Variants in SLC25A25 observed in about 807,000 individuals in gnomAD.
SLC25A25 encodes solute carrier family 25 member 25.
A neutral mutation model predicts 57.7 loss-of-function variants in SLC25A25; 32 were observed. The observed-to-expected ratio is 0.55, with a 90% CI of 0.42 to 0.74. The LOEUF is 0.74. Among genes scored for constraint, SLC25A25 ranks in the 30% least tolerant of loss-of-function variants. The pLI, the probability that SLC25A25 is intolerant of heterozygous loss-of-function variation, is 0.00. For synonymous variants in SLC25A25, 306 were observed against 291.2 expected (o/e 1.05, Z -0.52); for missense variants, 556 against 701.3 (o/e 0.79, Z 2.34).
At chr9:128,098,486 T>G in intron 1 of SLC25A25, 1 of 1,539,282 alleles carries the variant, frequency 6.5e-7, no homozygotes, top group Non-Finnish European at 8.8e-7. Flanking sequence ...GCTTGTCTTA[T>G]GCAAGTTTCC....
intron 1 of SLC25A25, among the ~76,000 whole-genome samples, chr9:128,077,386 G>A (rs1361944114): frequency 7.9e-5 from 12 of 152,062 alleles, no homozygotes; most frequent in Non-Finnish European, 1.5e-4. Flanking sequence ...GCGCGGTGGC[G>A]GGCGCCTGTG....
chr9:128,098,148 T>C (rs1423426758), intron 1 of SLC25A25, among the ~76,000 whole-genome samples: 5 of 152,238 alleles, frequency 3.3e-5, no homozygotes, highest in Non-Finnish European at 5.9e-5. Context: ...TGTGACACGT[T>C]TGGGGACCTT....
In SLC25A25 at chr9:128,103,996, C is replaced by A. The variant is rs547276062; in HGVS notation, c.783+157C>A. Among the ~76,000 whole-genome samples, 104 of 152,210 alleles carry A rather than the reference C, an allele frequency of 6.8e-4. 2 individuals are homozygous for A. The South Asian group carries it at 0.021, about 31-fold the overall frequency. On this transcript the variant is annotated intron_variant, in intron 6 of 10. Transcript: ENST00000373069. The surrounding 1 kb of genome is among the most constrained non-coding windows in gnomAD (Gnocchi z 6.7). ...AGAATTATTGCTCAGACAGGGGGTA[C>A]CAAAATGTCACTGTAGGTGACATTT...
intron 1 of SLC25A25, chr9:128,092,131 T>C (rs1376702052): frequency 6.3e-7 from 1 of 1,577,968 alleles, no homozygotes; most frequent in Non-Finnish European, 8.6e-7. Flanking sequence ...TAGGGCCTGG[T>C]CTGGGATCAT....
chr9:128,074,505 T>A (rs1011274134), intron 1 of SLC25A25, among the ~76,000 whole-genome samples: 19 of 151,454 alleles, frequency 1.3e-4, no homozygotes, highest in Non-Finnish European at 4.4e-5. Flanking sequence ...GGTCAGGAGT[T>A]CAAGACCTGC....
intron 1 of SLC25A25, among the ~76,000 whole-genome samples, chr9:128,090,247 T>G (rs752158604): frequency 6.6e-6 from 1 of 152,018 alleles, no homozygotes; most frequent in African/African-American, 2.4e-5. Context: ...AATTTCGCTC[T>G]TGTCACCCAG....
At position 128,101,162 on chromosome 9, in the gene SLC25A25, C is replaced by G; in HGVS notation, c.328C>G (p.Leu110Val). Residue 110 changes from leucine to valine, a missense_variant, in exon 2 of 11, where the codon CTC becomes GTC. By Grantham distance (32) the Leu-to-Val change is conservative. Around this residue, in one of 3 missense-constraint regions of SLC25A25, gnomAD observed 248 missense variants for 273.5 expected, o/e 0.91. Transcript: ENST00000373069. This position sits in a 1 kb window ranked among gnomAD's most constrained non-coding sequence, Gnocchi z 4.9. ...QLDFEEFVHY[L>V]QDHEKKLRLV... ...AGACTTTGAAGAATTTGTCCATTAT[C>G]TCCAAGATCATGAGAAGAAGCTGAG... 1 of 1,614,236 alleles carries G rather than the reference C, an allele frequency of 6.2e-7. No individual in the cohort carries two copies. Among genetic ancestry groups the G allele is most frequent in the Non-Finnish European group, 8.5e-7 (1 of 1,180,054 alleles).
intron 1 of SLC25A25, chr9:128,091,303 T>C: frequency 2.7e-6 from 1 of 374,446 alleles, no homozygotes; most frequent in Non-Finnish European, 3.7e-6. Context: ...CGCACCTCCC[T>C]GCAGAATTGC....
chr9:128,104,167 G>T (rs186781160), intron 6 of SLC25A25, among the ~76,000 whole-genome samples: 10 of 152,322 alleles, frequency 6.6e-5, no homozygotes, highest in Admixed American at 5.9e-4. Flanking sequence ...GGCCAGCAGA[G>T]CCTCACCTGA....
chr9:128,091,384 G>A, intron 1 of SLC25A25: 2 of 962,560 alleles, frequency 2.1e-6, no homozygotes, highest in Non-Finnish European at 2.5e-6. Flanking sequence ...GAACTTGGTA[G>A]TGTCGGCAGA....
At position 128,097,587 on chromosome 9, in the gene SLC25A25, C is replaced by T. The variant is rs140437670; in HGVS notation, c.262-3509C>T. 3.5e-3 allele frequency among the ~76,000 whole-genome samples: 529 copies of T among 152,288 alleles called. 2 individuals are homozygous for T. Among genetic ancestry groups the T allele is most frequent in the African/African-American group, 0.012 (507 of 41,564 alleles). On this transcript the variant is annotated intron_variant, in intron 1 of 10. Coordinates refer to ENST00000373069, the MANE Select transcript of SLC25A25 (RefSeq NM_001330988.2). ...GGGATTACAGGCGTGTGCCACCACGCCTGGCTATGACTTTACATTTAAAAA... is the reference window on the plus strand; with the variant it reads ...GGGATTACAGGCGTGTGCCACCACGTCTGGCTATGACTTTACATTTAAAAA...
At chr9:128,098,938 G>T (rs1251349142) in intron 1 of SLC25A25, 4 of 985,342 alleles carry the variant, frequency 4.1e-6, no homozygotes, top group South Asian at 9.4e-5. Context: ...GAATTCCAGC[G>T]AAGGCTGTTG....
intron 1 of SLC25A25, among the ~76,000 whole-genome samples, chr9:128,086,073 G>A (rs575228286): frequency 1.3e-5 from 2 of 152,122 alleles, no homozygotes; most frequent in East Asian, 3.9e-4. Context: ...GGTGGAATAT[G>A]TTCTGAGTGC....
At chr9:128,070,965 A>AG (rs1375847248) in intron 1 of SLC25A25, among the ~76,000 whole-genome samples, 7 of 145,908 alleles carry the variant, frequency 4.8e-5, no homozygotes, top group Non-Finnish European at 7.6e-5. Context: ...AAAAAAAAAA[A>AG]AAAAAAAAGA....
chr9:128,108,224 G>A lies in SLC25A25; in HGVS notation c.*780G>A, dbSNP rs552446244. ...ACTCACTGTCCCCACTGTGGCATGA[G>A]GGCAGTGGAGCACCATGTTTGAGGG... On this transcript the variant is annotated 3_prime_UTR_variant, in exon 11 of 11. Transcript: ENST00000373069. 2.5e-6 allele frequency: 1 copy of A among 399,302 alleles called. No homozygotes were observed. Among genetic ancestry groups the A allele is most frequent in the African/African-American group, 2.1e-5 (1 of 48,754 alleles). The allele number at this position is 399,302 out of a possible 1,614,324, so 24.7% of individuals were successfully genotyped here.
At chr9:128,094,146 TA>T (rs1490260909) in intron 1 of SLC25A25, among the ~76,000 whole-genome samples, 1 of 152,088 alleles carries the variant, frequency 6.6e-6, no homozygotes, top group Non-Finnish European at 1.5e-5. Context: ...AGACTCTGTT[TA>T]AAAGAAAAAA....
chr9:128,080,631 G>A (rs1454516909), intron 1 of SLC25A25, among the ~76,000 whole-genome samples: 1 of 151,910 alleles, frequency 6.6e-6, no homozygotes. Context: ...CACCATGCTG[G>A]CCAGGCTGGT....
At position 128,101,173 on chromosome 9, in the gene SLC25A25, TGAG is replaced by T; in HGVS notation, c.340_342del (p.Glu114del). The T allele has an allele frequency of 6.2e-7, 1 of 1,613,796 alleles. No individual in the cohort carries two copies. Among genetic ancestry groups the T allele is most frequent in the Non-Finnish European group, 8.5e-7 (1 of 1,179,628 alleles). On this transcript the variant is annotated inframe_deletion, in exon 2 of 11. Coordinates refer to ENST00000373069, the MANE Select transcript of SLC25A25 (RefSeq NM_001330988.2). The surrounding 1 kb of genome is among the most constrained non-coding windows in gnomAD (Gnocchi z 4.9). ...AATTTGTCCATTATCTCCAAGATCA[TGAG>T]AAGAAGCTGAGGCTGGTGTTTAAGA...
chr9:128,098,366 C>T (rs1001056455), intron 1 of SLC25A25: 16 of 1,024,598 alleles, frequency 1.6e-5, no homozygotes, highest in African/African-American at 8.3e-5. Flanking sequence ...CCTTCTCCCC[C>T]GGGCTCTGTG....
Sources: allele counts gnomAD v4.1 joint callset (sites outside exome capture counted in the v4.1 genomes callset), GRCh38; gene constraint gnomAD v4.1.1; regional missense constraint gnomAD v4.1.1; non-coding constraint Gnocchi (gnomAD v3.1); transcripts MANE v1.5; gene names NCBI Gene and HGNC (gene_info 2026-07-23, HGNC 2026-07-21).